The following MYO1E variants were observed in gnomAD, a reference collection of about 807,000 sequenced individuals.
The protein encoded by MYO1E is myosin IE.
Under a neutral mutation model 151.1 loss-of-function variants are expected in MYO1E, and 68 were observed. The ratio of observed to expected loss-of-function variants is 0.45; its 90% CI spans 0.37 to 0.55. The LOEUF is 0.55. Ranked by LOEUF, MYO1E falls within the 20% of genes least tolerant of loss-of-function variation. The pLI is 0.00. For synonymous variants in MYO1E, 601 were observed against 501.7 expected (o/e 1.20, Z -2.64); for missense variants, 1,363 against 1,389.3 (o/e 0.98, Z 0.30).
intron 1 of MYO1E, among the ~76,000 whole-genome samples, chr15:59,340,543 G>C (rs1406230965): frequency 1.3e-5 from 2 of 152,158 alleles, no homozygotes; most frequent in African/African-American, 4.8e-5. Flanking sequence ...TTTACCATGT[G>C]TAGTATCAAA....
In MYO1E at chr15:59,158,393, G is replaced by A. The variant is rs1171355871; in HGVS notation, c.2786-14C>T. The A allele has an allele frequency of 2.1e-5, 33 of 1,544,582 alleles. No homozygotes were observed. Among genetic ancestry groups the A allele is most frequent in the Non-Finnish European group, 2.9e-5 (33 of 1,140,062 alleles). On this transcript the variant is annotated splice_polypyrimidine_tract_variant and intron_variant, in intron 24 of 27. Transcript: ENST00000288235. ...TTCTGGTAGGACCTGAAATAAACAAGACAAAGTTAAAACCAGTGCTACTGG... is the reference window on the plus strand; with the variant it reads ...TTCTGGTAGGACCTGAAATAAACAAAACAAAGTTAAAACCAGTGCTACTGG...
chr15:59,325,934 G>C (rs1356132595), intron 1 of MYO1E, among the ~76,000 whole-genome samples: 1 of 152,152 alleles, frequency 6.6e-6, no homozygotes, highest in Admixed American at 6.5e-5. Context: ...GCTGTCCAGT[G>C]AATCAGAATG....
At chr15:59,274,057 T>C (rs1184013361) in intron 1 of MYO1E, among the ~76,000 whole-genome samples, 2 of 109,442 alleles carry the variant, frequency 1.8e-5, no homozygotes, top group African/African-American at 5.0e-5. Flanking sequence ...TTAAATGGTT[T>C]ACTTTTTTTT....
chr15:59,198,877 C>G (rs971195928), intron 16 of MYO1E, among the ~76,000 whole-genome samples: 1 of 151,856 alleles, frequency 6.6e-6, no homozygotes, highest in Non-Finnish European at 1.5e-5. Flanking sequence ...CAATCACCTG[C>G]ATGATGCCTG....
At chr15:59,230,334 A>C (rs2080020691) in intron 6 of MYO1E, among the ~76,000 whole-genome samples, 1 of 151,778 alleles carries the variant, frequency 6.6e-6, no homozygotes, top group Non-Finnish European at 1.5e-5. Context: ...AAAAATAATA[A>C]ATGTTGAGTG....
chr15:59,301,778 G>GGGAT (rs1296391604), intron 1 of MYO1E, among the ~76,000 whole-genome samples: 1 of 152,100 alleles, frequency 6.6e-6, no homozygotes, highest in East Asian at 1.9e-4. Context: ...GGTGGCCCAG[G>GGGAT]GGATTCTCTT....
In MYO1E at chr15:59,307,677, C is replaced by T. The variant is rs545365991; in HGVS notation, c.4-35228G>A. Among the ~76,000 whole-genome samples the T allele has an allele frequency of 5.3e-5, 8 of 152,148 alleles. 1 individual carries two copies. The South Asian group carries it at 1.7e-3, about 32-fold the overall frequency. The stretch of plus-strand genomic sequence containing the variant: ...CCAGGCTGGAGTGCAACGGCGCGAT[C>T]TTGGCTCACGGCAACCTCTGCCTCC... On this transcript the variant is annotated intron_variant, in intron 1 of 27. Transcript: ENST00000288235.
chr15:59,359,312 T>A (rs971025449), intron 1 of MYO1E, among the ~76,000 whole-genome samples: 1 of 141,280 alleles, frequency 7.1e-6, no homozygotes. Context: ...TATATATATA[T>A]AATATATATA....
intron 12 of MYO1E, among the ~76,000 whole-genome samples, chr15:59,213,633 AT>A (rs55755740): frequency 6.7e-6 from 1 of 149,584 alleles, no homozygotes; most frequent in African/African-American, 2.5e-5. Context: ...TAATTATTTT[AT>A]TTTTTTTGTA....
At chr15:59,186,458 T>C (rs1369934582) in intron 18 of MYO1E, among the ~76,000 whole-genome samples, 1 of 152,016 alleles carries the variant, frequency 6.6e-6, no homozygotes, top group African/African-American at 2.4e-5. Context: ...GAAGATGTAA[T>C]TGTTTCTGAT....
At chr15:59,288,872 C>A (rs1377918410) in intron 1 of MYO1E, among the ~76,000 whole-genome samples, 1 of 152,234 alleles carries the variant, frequency 6.6e-6, no homozygotes. Context: ...AGCAGGCTAA[C>A]CAAAATGGAA....
intron 15 of MYO1E, among the ~76,000 whole-genome samples, chr15:59,204,205 G>T (rs1291846380): frequency 6.6e-6 from 1 of 152,178 alleles, no homozygotes; most frequent in African/African-American, 2.4e-5. Context: ...TGAATAAAAA[G>T]AAATGCAAAA....
chr15:59,209,559 C>T (rs1014533949), intron 13 of MYO1E, among the ~76,000 whole-genome samples: 5 of 151,878 alleles, frequency 3.3e-5, no homozygotes, highest in South Asian at 4.2e-4. Flanking sequence ...GCCTGTAATC[C>T]CAGCTACTCA....
intron 6 of MYO1E, among the ~76,000 whole-genome samples, chr15:59,229,671 T>C (rs1353925030): frequency 6.7e-6 from 1 of 148,722 alleles, no homozygotes; most frequent in Non-Finnish European, 1.5e-5. Context: ...TATTTCGTAA[T>C]ACATTCTTTA....
In MYO1E at chr15:59,213,136, TTTATTATTATTATTATTA is replaced by T. The variant is rs147109664; in HGVS notation, c.1275+1074_1275+1091del. ...AATGGAAACTGCACTGAACTATTTA[TTTATTATTATTATTATTA>T]TTATTATTATTATTATTATTATTAT... is the stretch of plus-strand genomic sequence containing the variant. On this transcript the variant is annotated intron_variant, in intron 12 of 27. Coordinates refer to ENST00000288235, the MANE Select transcript of MYO1E (RefSeq NM_004998.4). 1.1e-3 allele frequency among the ~76,000 whole-genome samples: 155 copies of T among 139,364 alleles called. 1 individual carries two copies. Among genetic ancestry groups the T allele is most frequent in the East Asian group, 3.7e-3 (18 of 4,878 alleles). 91.4% of individuals were successfully genotyped at this position (139,364 alleles called of 152,430 possible).
chr15:59,211,448 CCTT>C (rs1419426184), intron 12 of MYO1E, among the ~76,000 whole-genome samples: 1 of 152,114 alleles, frequency 6.6e-6, no homozygotes, highest in Non-Finnish European at 1.5e-5. Context: ...TCTCAGCCCT[CCTT>C]CTCTAGGTGA....
intron 23 of MYO1E, among the ~76,000 whole-genome samples, chr15:59,162,179 G>T (rs2079541448): frequency 6.6e-6 from 1 of 152,106 alleles, no homozygotes; most frequent in Non-Finnish European, 1.5e-5. Context: ...GGGACTACAG[G>T]CATGCACCAC....
intron 1 of MYO1E, among the ~76,000 whole-genome samples, chr15:59,317,810 G>T (rs2080598940): frequency 6.6e-6 from 1 of 152,026 alleles, no homozygotes; most frequent in South Asian, 2.1e-4. Context: ...GCGAGGGCGT[G>T]AAACAGTCAG....
At chr15:59,195,419 GA>G in intron 17 of MYO1E, 41 bp downstream of exon 17, 10 of 1,537,262 alleles carry the variant, frequency 6.5e-6, no homozygotes, top group Middle Eastern at 1.7e-4. Context: ...TGAGCAGAGG[GA>G]AAAAGGTCCC....
Sources: allele counts gnomAD v4.1 joint callset (sites outside exome capture counted in the v4.1 genomes callset), GRCh38; gene constraint gnomAD v4.1.1; transcripts MANE v1.5; gene names NCBI Gene and HGNC (gene_info 2026-07-23, HGNC 2026-07-21).